Variants in CRBN observed in about 807,000 individuals in gnomAD.
The protein encoded by CRBN is protein cereblon.
Under a neutral mutation model 62.2 loss-of-function variants are expected in CRBN, and 53 were observed. The observed-to-expected ratio is 0.85, with a 90% confidence interval of 0.68 to 1.07. The LOEUF (loss-of-function observed/expected upper bound fraction) is 1.07, where lower values mean the gene tolerates loss of function less well. CRBN is among the 50% of genes least tolerant of loss of function. The pLI is 0.00. For missense variants in CRBN, 616 were observed against 531.1 expected, an observed-to-expected ratio of 1.16 and a Z score of -1.57; for synonymous variants, 208 against 176.1, an observed-to-expected ratio of 1.18 and a Z score of -1.43.
At chr3:3,175,349 G>A (rs914913874) in intron 1 of CRBN, 80 bp from the exon 2 acceptor site, 21 of 1,065,290 alleles carry the variant, frequency 2.0e-5, no homozygotes, top group Middle Eastern at 2.1e-4. Context: ...TTCAAAAGAG[G>A]GGTACTTCTA....
intron 1 of CRBN, among the ~76,000 whole-genome samples, chr3:3,176,482 T>C (rs1707827278): frequency 6.6e-6 from 1 of 152,230 alleles, no homozygotes; most frequent in Non-Finnish European, 1.5e-5. Flanking sequence ...ACACCTGTAA[T>C]CCCAGCACTT....
intron 9 of CRBN, 91 bp from the exon 10 acceptor site, chr3:3,152,678 T>C: frequency 1.4e-6 from 2 of 1,456,186 alleles, no homozygotes; most frequent in Non-Finnish European, 1.9e-6. Context: ...CACCAAGAAA[T>C]GAGGTATGAG....
intron 7 of CRBN, 169 bp downstream of exon 7, chr3:3,154,578 T>A: frequency 2.0e-6 from 1 of 503,506 alleles, no homozygotes; most frequent in South Asian, 2.1e-5. Context: ...GCAATTAATT[T>A]TAAAATACTC....
At position 3,154,756 on chromosome 3, in the gene CRBN, T is replaced by C. The variant is rs748068362; in HGVS notation, c.826A>G (p.Asn276Asp). The change falls in exon 7 of 11, where the codon AAT becomes GAT. Residue 276 changes from asparagine to aspartate, a missense_variant. Transcript: ENST00000231948. ...AACTAACTTTTCATACCTATTGGAT[T>C]TGAAGGAAGAGAATCATCTTTTAGA... ...ENLKDDSLPS[N>D]PIDFSYRVAA... is the part of the protein sequence containing the mutation. 6.3e-7 allele frequency: 1 copy of C among 1,589,516 alleles called. No individual in the cohort carries two copies. Among genetic ancestry groups the C allele is most frequent in the Non-Finnish European group, 8.6e-7 (1 of 1,157,820 alleles).
intron 2 of CRBN, among the ~76,000 whole-genome samples, chr3:3,174,661 A>T (rs889234883): frequency 3.9e-5 from 5 of 129,810 alleles, no homozygotes; most frequent in Non-Finnish European, 7.1e-5. Flanking sequence ...AAAGAAAAAA[A>T]TACAAATGGG....
At chr3:3,172,687 T>C in intron 4 of CRBN, 89 bp downstream of exon 4, 1 of 1,373,390 alleles carries the variant, frequency 7.3e-7, no homozygotes, top group Non-Finnish European at 1.0e-6. Context: ...AGTTACAAAA[T>C]ATGAAGGCTC....
chr3:3,150,935 G>C lies in CRBN; in HGVS notation c.1259C>G (p.Ser420Cys), dbSNP rs1177866083. ...GTCTGGGATCGTGGGCAACAGAGCA[G>C]ATCGCGTTAAGCCCCAAAATTTTTG... is the stretch of plus-strand genomic sequence containing the variant. Reference protein sequence around the residue: ...SPQKFWGLTRSALLPTIPDTE... With the variant: ...SPQKFWGLTRCALLPTIPDTE... The change falls in exon 11 of 11, where the codon TCT becomes TGT. Residue 420 changes from serine to cysteine, a missense_variant. Physicochemically the swap from Ser to Cys is moderately radical, Grantham distance 112. Coordinates refer to ENST00000231948, the MANE Select transcript of CRBN (RefSeq NM_016302.4). The C allele has an allele frequency of 3.1e-6, 5 of 1,614,014 alleles. No individual in the cohort carries two copies. The South Asian group carries it at 5.5e-5, about 18-fold the overall frequency.
At chr3:3,159,898 T>C (rs1270393984) in intron 5 of CRBN, among the ~76,000 whole-genome samples, 1 of 152,170 alleles carries the variant, frequency 6.6e-6, no homozygotes, top group Non-Finnish European at 1.5e-5. Context: ...GATGATAAGT[T>C]CTAGCAATTT....
chr3:3,150,574 G>A lies in CRBN; in HGVS notation c.*291C>T, dbSNP rs1193365747. 3.7e-6 allele frequency: 1 copy of A among 269,862 alleles called. No homozygotes were observed. The highest frequency in any genetic ancestry group is 2.3e-5 in the African/African-American group (1 of 43,976). The allele number at this position is 269,862 out of a possible 1,614,324, so 16.7% of individuals were successfully genotyped here. ...TCATCATTTCCAAAGATGTCTTCATGTCCCATCAATGACATGCTACCAGAC... is the reference window on the plus strand; with the variant it reads ...TCATCATTTCCAAAGATGTCTTCATATCCCATCAATGACATGCTACCAGAC... On this transcript the variant is annotated 3_prime_UTR_variant, in exon 11 of 11. Transcript: ENST00000231948.
chr3:3,153,132 A>G (rs1046699081), intron 9 of CRBN: 1 of 365,026 alleles, frequency 2.7e-6, no homozygotes, highest in African/African-American at 2.1e-5. Context: ...GTTAGGGCCT[A>G]ATTGAAGACA....
intron 10 of CRBN, among the ~76,000 whole-genome samples, chr3:3,151,759 A>G (rs192143338): frequency 1.3e-5 from 2 of 152,268 alleles, no homozygotes; most frequent in East Asian, 3.9e-4. Context: ...CCCTCTTTGA[A>G]AACTGAAGAT....
Position 3,174,155 on chromosome 3 carries a change from C to T in CRBN, c.281G>A (p.Gly94Glu). ...LPQVMMILIP[G>E]QTLPLQLFHP... is the part of the protein sequence containing the mutation. ...AAAAAGCTGAAGAGGTAATGTCTGT[C>T]CGGGAATCAGGATCATCATCACTTG... Residue 94 changes from glycine (G) to glutamate (E), a missense_variant, in exon 3 of 11, where the codon GGA (glycine) becomes GAA (glutamate). Transcript: ENST00000231948. The T allele has an allele frequency of 6.2e-7, 1 of 1,614,142 alleles. No individual in the cohort carries two copies. Among genetic ancestry groups the T allele is most frequent in the Non-Finnish European group, 8.5e-7 (1 of 1,180,004 alleles).
At chr3:3,153,799 A>G (rs918451673) in intron 8 of CRBN, 161 bp downstream of exon 8, 19 of 655,802 alleles carry the variant, frequency 2.9e-5, no homozygotes, top group Admixed American at 2.1e-4. Flanking sequence ...CATATTTGAC[A>G]AACACAAAAC....
chr3:3,176,076 G>T (rs961265535), intron 1 of CRBN, among the ~76,000 whole-genome samples: 5 of 152,066 alleles, frequency 3.3e-5, no homozygotes, highest in African/African-American at 1.2e-4. Flanking sequence ...CAAATCACTA[G>T]GTGTAGCCTC....
At chr3:3,159,926 A>G (rs144852131) in intron 5 of CRBN, among the ~76,000 whole-genome samples, 31 of 152,360 alleles carry the variant, frequency 2.0e-4, no homozygotes, top group Non-Finnish European at 4.3e-4. Context: ...TTCTTTAAAT[A>G]TATCAACACC....
At chr3:3,152,638 T>A (rs774221008) in intron 9 of CRBN, 51 bp from the exon 10 acceptor site, 9 of 1,607,660 alleles carry the variant, frequency 5.6e-6, no homozygotes, top group Non-Finnish European at 2.6e-6. Context: ...AAGTCTAATT[T>A]TATTAAATGC....
intron 5 of CRBN, among the ~76,000 whole-genome samples, chr3:3,160,352 T>C (rs1707086031): frequency 1.3e-5 from 2 of 152,224 alleles, no homozygotes; most frequent in African/African-American, 2.4e-5. Flanking sequence ...CAATCAGCAA[T>C]GTAAATGACA....
intron 5 of CRBN, 63 bp downstream of exon 5, chr3:3,167,571 A>C (rs1226064220): frequency 6.7e-7 from 1 of 1,492,950 alleles, no homozygotes; most frequent in Non-Finnish European, 9.3e-7. Flanking sequence ...TTTCTTTCTT[A>C]AAACAGGAAA....
intron 4 of CRBN, 155 bp downstream of exon 4, chr3:3,172,621 C>T: frequency 1.4e-6 from 1 of 728,728 alleles, no homozygotes; most frequent in South Asian, 1.7e-5. Flanking sequence ...TGATGCATAG[C>T]AAGGTTGGAA....
Sources: gnomAD v4.1 joint callset for allele counts (sites outside exome capture counted in the v4.1 genomes callset) on GRCh38, gnomAD v4.1.1 for gene constraint, MANE v1.5 for transcripts, NCBI Gene and HGNC (gene_info 2026-07-23, HGNC 2026-07-21) for gene names.